DPP10: variants seen among roughly 807,000 people sequenced by gnomAD.
DPP10 encodes dipeptidyl peptidase like 10.
In DPP10, 33 loss-of-function variants were observed where a neutral mutation model predicts 120.9. The observed-to-expected ratio is 0.27, with a 90% CI of 0.21 to 0.37. The LOEUF (loss-of-function observed/expected upper bound fraction) is 0.37. DPP10 is among the 10% of genes least tolerant of loss of function. The probability of loss-of-function intolerance (pLI) is 1.00; values close to 1 mark genes in which losing one functional copy is unlikely to be tolerated. For synonymous variants in DPP10, 337 were observed against 326.1 expected (o/e 1.03, Z -0.36); for missense variants, 816 against 942.8 (o/e 0.87, Z 1.76).
chr2:115,676,246 A>C (rs6542287), intron 5 of DPP10, among the ~76,000 whole-genome samples: 150,273 of 152,290 alleles, frequency 0.99, 74,172 homozygotes, highest in Middle Eastern at 1. Flanking sequence ...GAATGGCCAC[A>C]AAGGCACTTA....
intron 1 of DPP10, among the ~76,000 whole-genome samples, chr2:114,764,300 T>TTA (rs1553422302): frequency 2.0e-5 from 3 of 148,428 alleles, no homozygotes; most frequent in African/African-American, 5.0e-5. Flanking sequence ...TTTTTTTTTT[T>TTA]ATCATGTTTC....
In DPP10 at chr2:114,993,724, T is replaced by C. The variant is rs532813048; in HGVS notation, c.61-315515T>C. Among the ~76,000 whole-genome samples the C allele has an allele frequency of 5.3e-5, 8 of 151,964 alleles. No homozygotes were observed. The South Asian group carries it at 1.7e-3, about 32-fold the overall frequency. ...CAAATACTTCATTTTCTGTGCCCTTTATTTTACTCATAGGTTGTACGACTA... is the reference window on the plus strand; with the variant it reads ...CAAATACTTCATTTTCTGTGCCCTTCATTTTACTCATAGGTTGTACGACTA... On this transcript the variant is annotated intron_variant, in intron 1 of 25. Coordinates refer to ENST00000410059, the MANE Select transcript of DPP10 (RefSeq NM_020868.6).
chr2:115,067,861 C>CAAAAAAAA (rs201964006), intron 1 of DPP10, among the ~76,000 whole-genome samples: 2 of 86,828 alleles, frequency 2.3e-5, no homozygotes, highest in African/African-American at 4.0e-5. Context: ...GACTCTGTCT[C>CAAAAAAAA]AAAAAAAAAA....
rs572419617 is a variant in DPP10 at position 115,307,506 on chromosome 2, T to A, written c.61-1733T>A. 3.9e-4 allele frequency among the ~76,000 whole-genome samples: 59 copies of A among 152,244 alleles called. 1 individual carries two copies. The highest frequency in any genetic ancestry group is 1.4e-3 in the African/African-American group (58 of 41,574). On this transcript the variant is annotated intron_variant, in intron 1 of 25. Coordinates refer to ENST00000410059, the MANE Select transcript of DPP10 (RefSeq NM_020868.6). ...CTGTTAGAGTTAATAAATAGGAAAGTATTTATGGTTCTTGGCCCAGATACC... is the reference window on the plus strand; with the variant it reads ...CTGTTAGAGTTAATAAATAGGAAAGAATTTATGGTTCTTGGCCCAGATACC...
chr2:115,788,273 G>A (rs1348786), intron 17 of DPP10, among the ~76,000 whole-genome samples: 40,633 of 151,834 alleles, frequency 0.27, 5,786 homozygotes, highest in Middle Eastern at 0.44. Flanking sequence ...TGATTAGAAA[G>A]AAATTTATGA....
intron 1 of DPP10, among the ~76,000 whole-genome samples, chr2:114,815,163 C>T (rs1558769087): frequency 6.6e-6 from 1 of 152,214 alleles, no homozygotes; most frequent in Non-Finnish European, 1.5e-5. Flanking sequence ...AAGCGAGTCT[C>T]ATGTGGGCAT....
In DPP10 at chr2:115,603,381, G is replaced by A. The variant is rs192467787; in HGVS notation, c.441+77409G>A. ...AACAAAACCCAACTCTAGTCTTCAT[G>A]ACAGTGGCAGTGACCAGGAAAATAG... is the stretch of plus-strand genomic sequence containing the variant. On this transcript the variant is annotated intron_variant, in intron 5 of 25. Coordinates refer to ENST00000410059, the MANE Select transcript of DPP10 (RefSeq NM_020868.6). Among the ~76,000 whole-genome samples the A allele has an allele frequency of 4.0e-3, 510 of 126,734 alleles. 4 individuals are homozygous for A. Among genetic ancestry groups the A allele is most frequent in the Middle Eastern group, 0.024 (4 of 170 alleles). The allele number at this position is 126,734 out of a possible 152,430, so 83.1% of individuals were successfully genotyped here. A position where few individuals can be genotyped will look rare whatever the true frequency, so the allele number is the denominator to read the frequency against.
At chr2:115,306,023 T>TA (rs555611630) in intron 1 of DPP10, among the ~76,000 whole-genome samples, 197 of 152,194 alleles carry the variant, frequency 1.3e-3, no homozygotes, top group African/African-American at 4.5e-3. Flanking sequence ...GAGTTTTTTT[T>TA]ATGAGTTATT....
intron 1 of DPP10, among the ~76,000 whole-genome samples, chr2:114,650,196 G>A (rs551114012): frequency 3.9e-5 from 6 of 152,210 alleles, no homozygotes; most frequent in East Asian, 1.9e-4. Flanking sequence ...TTGGAGCACC[G>A]TCTGAGAGCA....
chr2:114,544,793 T>C (rs1319167339), intron 1 of DPP10, among the ~76,000 whole-genome samples: 1 of 152,172 alleles, frequency 6.6e-6, no homozygotes, highest in Non-Finnish European at 1.5e-5. Context: ...GATTAATTCA[T>C]AGATTGATTA....
intron 5 of DPP10, among the ~76,000 whole-genome samples, chr2:115,656,102 A>G (rs917925779): frequency 1.3e-5 from 2 of 150,894 alleles, no homozygotes; most frequent in African/African-American, 4.9e-5. Context: ...AAATATGATA[A>G]GAGTATACAT....
At chr2:115,612,927 A>G (rs1558925316) in intron 5 of DPP10, among the ~76,000 whole-genome samples, 1 of 152,180 alleles carries the variant, frequency 6.6e-6, no homozygotes, top group Non-Finnish European at 1.5e-5. Flanking sequence ...AACTTTAGGA[A>G]TAATCTTACC....
chr2:115,689,111 A>C (rs2149494783), intron 5 of DPP10, among the ~76,000 whole-genome samples: 1 of 152,320 alleles, frequency 6.6e-6, no homozygotes, highest in Non-Finnish European at 1.5e-5. Flanking sequence ...TTCACTACAG[A>C]GTGAGATGTG....
intron 1 of DPP10, among the ~76,000 whole-genome samples, chr2:114,883,704 A>G (rs1424355394): frequency 6.6e-6 from 1 of 152,166 alleles, no homozygotes; most frequent in East Asian, 1.9e-4. Context: ...GCAACTGAAC[A>G]CTGAATGATG....
At chr2:114,701,593 T>A (rs1040018482) in intron 1 of DPP10, among the ~76,000 whole-genome samples, 1 of 152,128 alleles carries the variant, frequency 6.6e-6, no homozygotes, top group African/African-American at 2.4e-5. Context: ...ATAACTACAT[T>A]TGCCTAAAAA....
chr2:114,797,390 C>T (rs138105489), intron 1 of DPP10, among the ~76,000 whole-genome samples: 25 of 152,126 alleles, frequency 1.6e-4, no homozygotes, highest in Non-Finnish European at 1.2e-4. Flanking sequence ...ACCGTTTACT[C>T]CCTGGGTGAT....
intron 1 of DPP10, among the ~76,000 whole-genome samples, chr2:115,087,651 T>C (rs2104535936): frequency 6.7e-6 from 1 of 149,340 alleles, no homozygotes; most frequent in Non-Finnish European, 1.5e-5. Flanking sequence ...CCTCCCGGGT[T>C]CAAGCGATTC....
chr2:114,520,729 C>T (rs1684978979), intron 1 of DPP10, among the ~76,000 whole-genome samples: 1 of 152,170 alleles, frequency 6.6e-6, no homozygotes, highest in Non-Finnish European at 1.5e-5. Context: ...TTTTATGGAT[C>T]CTGTGAGTCT....
rs2084891178 is a variant in DPP10, at chr2:115,620,818, T to G, written c.442-68869T>G. 3.9e-5 allele frequency among the ~76,000 whole-genome samples: 6 copies of G among 152,224 alleles called. No homozygotes were observed. The South Asian group carries it at 1.2e-3, about 31-fold the overall frequency. On this transcript the variant is annotated intron_variant, in intron 5 of 25. Coordinates refer to ENST00000410059, the MANE Select transcript of DPP10 (RefSeq NM_020868.6). ...GCAGAATGACCATATAATTTATTATTGAAGTTAGATAACTTTTTGAGAGCG... is the reference window on the plus strand; with the variant it reads ...GCAGAATGACCATATAATTTATTATGGAAGTTAGATAACTTTTTGAGAGCG...
Sources: gnomAD v4.1 joint callset for allele counts (sites outside exome capture counted in the v4.1 genomes callset) on GRCh38, gnomAD v4.1.1 for gene constraint, MANE v1.5 for transcripts, NCBI Gene and HGNC (gene_info 2026-07-23, HGNC 2026-07-21) for gene names.